EPC2: variants seen among roughly 807,000 people sequenced by gnomAD.
The protein encoded by EPC2 is enhancer of polycomb homolog 2.
In EPC2, 14 loss-of-function variants were observed where a neutral mutation model predicts 92.1. That is an observed-to-expected ratio of 0.15 (90% CI 0.10 to 0.24). EPC2 has a LOEUF of 0.24. EPC2 is among the 10% of genes least tolerant of loss of function. EPC2 has a pLI of 1.00. For synonymous variants in EPC2, 340 were observed against 334.7 expected (o/e 1.02, Z -0.17); for missense variants, 755 against 971.5 (o/e 0.78, Z 2.96).
chr2:148,644,975 C>CCCGCCGCCG lies in EPC2; in HGVS notation c.-37_-29dup, dbSNP rs746344517. 6.5e-7 allele frequency: 1 copy of CCCGCCGCCG among 1,528,568 alleles called. No individual in the cohort carries two copies. Among genetic ancestry groups the CCCGCCGCCG allele is most frequent in the Non-Finnish European group, 8.8e-7 (1 of 1,134,432 alleles). The allele number at this position is 1,528,568 out of a possible 1,614,324, so 94.7% of individuals were successfully genotyped here. ...GAGTCCTCCCCCCCTCCCCGCCCGC[C>CCCGCCGCCG]CCGCCGCCGCCGCCCGGGCTGTTCC... On this transcript the variant is annotated 5_prime_UTR_variant, in exon 1 of 14. Coordinates refer to ENST00000258484, the MANE Select transcript of EPC2 (RefSeq NM_015630.4).
chr2:148,684,991 T>A (rs1447064113), intron 1 of EPC2, among the ~76,000 whole-genome samples: 1 of 152,234 alleles, frequency 6.6e-6, no homozygotes, highest in Admixed American at 6.5e-5. Flanking sequence ...CTAATGAATT[T>A]GCACATCTCT....
At chr2:148,685,436 T>G (rs1391558048) in intron 1 of EPC2, among the ~76,000 whole-genome samples, 1 of 152,208 alleles carries the variant, frequency 6.6e-6, no homozygotes, top group Non-Finnish European at 1.5e-5. Flanking sequence ...TAAAGCAAGT[T>G]ACATGAATAT....
intron 12 of EPC2, among the ~76,000 whole-genome samples, chr2:148,783,985 C>CG (rs1404552000): frequency 1.3e-5 from 2 of 152,358 alleles, no homozygotes; most frequent in African/African-American, 4.8e-5. Context: ...GTGTAACATT[C>CG]TACCCTTCCT....
intron 1 of EPC2, among the ~76,000 whole-genome samples, chr2:148,681,251 A>G (rs1438226042): frequency 1.3e-5 from 2 of 152,218 alleles, no homozygotes; most frequent in African/African-American, 4.8e-5. Context: ...GAGAACTGAT[A>G]AAAGAGATTT....
At chr2:148,775,281 C>T (rs1170128945) in intron 10 of EPC2, among the ~76,000 whole-genome samples, 1 of 152,026 alleles carries the variant, frequency 6.6e-6, no homozygotes, top group Non-Finnish European at 1.5e-5. Flanking sequence ...ACAAGACAAT[C>T]CTTACCTTCA....
intron 2 of EPC2, among the ~76,000 whole-genome samples, chr2:148,707,529 A>T (rs944769765): frequency 6.6e-6 from 1 of 152,180 alleles, no homozygotes; most frequent in African/African-American, 2.4e-5. Context: ...CTCCACCCCA[A>T]ATCAACAGAA....
chr2:148,780,681 T>C (rs192014542), intron 10 of EPC2, among the ~76,000 whole-genome samples: 3 of 152,174 alleles, frequency 2.0e-5, no homozygotes, highest in East Asian at 1.9e-4. Flanking sequence ...TGCATTATAG[T>C]AGATAGTAAA....
chr2:148,703,796 G>T (rs1681935240), intron 2 of EPC2, among the ~76,000 whole-genome samples: 1 of 152,184 alleles, frequency 6.6e-6, no homozygotes, highest in African/African-American at 2.4e-5. Flanking sequence ...CCCCCAAAGT[G>T]TTGGGATTAC....
chr2:148,755,363 G>GT (rs1158171444), intron 4 of EPC2, among the ~76,000 whole-genome samples: 1 of 151,860 alleles, frequency 6.6e-6, no homozygotes, highest in African/African-American at 2.4e-5. Flanking sequence ...GGAAAGAGAG[G>GT]TTTATCTAAA....
rs577141927 is a variant in EPC2, at chr2:148,645,005, A to G, written c.-13A>G. The G allele has an allele frequency of 1.9e-6, 3 of 1,545,992 alleles. No homozygotes were observed. Among genetic ancestry groups the G allele is most frequent in the African/African-American group, 1.4e-5 (1 of 72,400 alleles). ...CGCCGCCGCCCGGGCTGTTCCTGTA[A>G]GGCGGGGAGACAATGAGTAAACTCT... On this transcript the variant is annotated 5_prime_UTR_variant, in exon 1 of 14. Coordinates refer to ENST00000258484, the MANE Select transcript of EPC2 (RefSeq NM_015630.4).
chr2:148,665,774 G>A (rs953328453), intron 1 of EPC2, among the ~76,000 whole-genome samples: 2 of 152,100 alleles, frequency 1.3e-5, no homozygotes, highest in Non-Finnish European at 2.9e-5. Context: ...TTAAGACAGA[G>A]CAACTATGAA....
At chr2:148,769,519 G>T (rs1309862230) in intron 8 of EPC2, among the ~76,000 whole-genome samples, 1 of 152,176 alleles carries the variant, frequency 6.6e-6, no homozygotes, top group South Asian at 2.1e-4. Flanking sequence ...ATTACTCAGT[G>T]TGTCATTACT....
At chr2:148,742,260 A>G (rs1297405126) in intron 2 of EPC2, among the ~76,000 whole-genome samples, 2 of 152,212 alleles carry the variant, frequency 1.3e-5, no homozygotes, top group Non-Finnish European at 2.9e-5. Flanking sequence ...GTTCAAGAGG[A>G]TACATTTTTA....
intron 4 of EPC2, among the ~76,000 whole-genome samples, chr2:148,759,420 A>T (rs1683258070): frequency 6.6e-6 from 1 of 152,172 alleles, no homozygotes; most frequent in South Asian, 2.1e-4. Flanking sequence ...AATAAAAGTT[A>T]TTATCTTACT....
At chr2:148,649,285 A>G (rs1680608920) in intron 1 of EPC2, among the ~76,000 whole-genome samples, 2 of 152,220 alleles carry the variant, frequency 1.3e-5, no homozygotes, top group African/African-American at 2.4e-5. Context: ...ACAAACATGA[A>G]AACAAGATAT....
At chr2:148,650,649 A>C (rs1680664074) in intron 1 of EPC2, among the ~76,000 whole-genome samples, 1 of 152,134 alleles carries the variant, frequency 6.6e-6, no homozygotes, top group African/African-American at 2.4e-5. Context: ...TAATATTTTA[A>C]GTGATATTTT....
intron 2 of EPC2, among the ~76,000 whole-genome samples, chr2:148,720,394 C>T (rs1174527747): frequency 2.0e-5 from 3 of 152,144 alleles, no homozygotes; most frequent in Non-Finnish European, 2.9e-5. Context: ...TGGGTCTTAT[C>T]TTGTGAGGTG....
At chr2:148,691,694 C>T (rs1383047982) in intron 2 of EPC2, 17 of 1,342,382 alleles carry the variant, frequency 1.3e-5, no homozygotes, top group Non-Finnish European at 1.7e-5. Context: ...TGTTTTTGGA[C>T]CACAGTATTA....
At chr2:148,662,519 GA>G (rs977694508) in intron 1 of EPC2, among the ~76,000 whole-genome samples, 16 of 152,138 alleles carry the variant, frequency 1.1e-4, no homozygotes, top group Non-Finnish European at 1.9e-4. Context: ...CCTTTGTAGG[GA>G]CATGGATGAA....
Sources: allele counts gnomAD v4.1 joint callset (sites outside exome capture counted in the v4.1 genomes callset), GRCh38; gene constraint gnomAD v4.1.1; transcripts MANE v1.5; gene names NCBI Gene and HGNC (gene_info 2026-07-23, HGNC 2026-07-21).